The following SYNE1 variants were observed in gnomAD, a reference collection of about 807,000 sequenced individuals.
The protein encoded by SYNE1 is spectrin repeat containing nuclear envelope protein 1.
A neutral mutation model predicts 1,111.0 loss-of-function variants in SYNE1; 616 were observed. That is an observed-to-expected ratio of 0.55 (90% CI 0.52 to 0.59). SYNE1 has a LOEUF of 0.59. SYNE1 is among the 20% of genes least tolerant of loss of function. The pLI, the probability that SYNE1 is intolerant of heterozygous loss-of-function variation, is 0.00. For synonymous variants in SYNE1, 3,855 were observed against 3,825.8 expected, an observed-to-expected ratio of 1.01 and a Z score of -0.28; for missense variants, 10,006 against 10,417.0, an observed-to-expected ratio of 0.96 and a Z score of 1.72.
chr6:152,530,869 C>T (rs534994270), intron 4 of SYNE1, among the ~76,000 whole-genome samples: 7 of 152,016 alleles, frequency 4.6e-5, no homozygotes, highest in East Asian at 3.9e-4. Flanking sequence ...ATGATCTGCC[C>T]GCCTCAGCCT....
intron 33 of SYNE1, chr6:152,435,075 A>G (rs915979123): frequency 6.6e-6 from 1 of 152,190 alleles, no homozygotes; most frequent in Non-Finnish European, 1.5e-5. Context: ...ATTTCAAGTC[A>G]TAATTTGTTT....
At chr6:152,510,067 T>C (rs2099077238) in intron 8 of SYNE1, 126 bp downstream of exon 8, 11 of 965,120 alleles carry the variant, frequency 1.1e-5, no homozygotes, top group Middle Eastern at 3.1e-4. Context: ...AAGAGTGAAA[T>C]AAGCGCTAAA....
At chr6:152,357,901 C>T (rs183587564) in intron 66 of SYNE1, among the ~76,000 whole-genome samples, 1 of 152,090 alleles carries the variant, frequency 6.6e-6, no homozygotes, top group African/African-American at 2.4e-5. Flanking sequence ...TTTTTTACTT[C>T]TGTAATTCCT....
chr6:152,363,518 TAAATAAATAAATA>T (rs1452941564), intron 63 of SYNE1, among the ~76,000 whole-genome samples: 13 of 148,420 alleles, frequency 8.8e-5, no homozygotes, highest in African/African-American at 2.9e-4. Flanking sequence ...AATAAATAAA[TAAATAAATAAATA>T]AATAAATAAA....
chr6:152,377,969 A>C (rs938204699), intron 56 of SYNE1, among the ~76,000 whole-genome samples: 3 of 152,090 alleles, frequency 2.0e-5, no homozygotes, highest in South Asian at 2.1e-4. Context: ...ACCCAATCCA[A>C]AATAAAGCCT....
At chr6:152,230,405 C>G in intron 115 of SYNE1, 142 bp downstream of exon 115, 1 of 895,676 alleles carries the variant, frequency 1.1e-6, no homozygotes, top group Non-Finnish European at 1.7e-6. Flanking sequence ...TATAAACTCA[C>G]AAAATCAGCA....
chr6:152,419,752 G>A (rs1303575882), intron 39 of SYNE1, 30 bp from the exon 40 acceptor site: 17 of 1,611,236 alleles, frequency 1.1e-5, no homozygotes, highest in Non-Finnish European at 1.0e-5. Flanking sequence ...AAGTTAAAAT[G>A]TCCCATAAGT....
intron 100 of SYNE1, among the ~76,000 whole-genome samples, chr6:152,266,961 C>G (rs2092770447): frequency 6.6e-6 from 1 of 151,918 alleles, no homozygotes; most frequent in South Asian, 2.1e-4. Flanking sequence ...ACGGTCTATT[C>G]TAGTTCTTAT....
At chr6:152,135,054 TGC>T in intron 142 of SYNE1, 48 bp downstream of exon 142, 1 of 1,613,482 alleles carries the variant, frequency 6.2e-7, no homozygotes, top group South Asian at 1.1e-5. Context: ...GTAAATGAAA[TGC>T]AACCCTGCTA....
At chr6:152,176,820 A>T in intron 129 of SYNE1, among the ~76,000 whole-genome samples, 1 of 152,180 alleles carries the variant, frequency 6.6e-6, no homozygotes, top group East Asian at 1.9e-4. Context: ...CTTGAAATAC[A>T]TATTAAAAAA....
chr6:152,634,181 G>T (rs1422629226), intron 2 of SYNE1, among the ~76,000 whole-genome samples: 1 of 152,180 alleles, frequency 6.6e-6, no homozygotes, highest in Non-Finnish European at 1.5e-5. Context: ...GAATTTCTAG[G>T]TATTAGGAAA....
At chr6:152,427,660 A>T in intron 38 of SYNE1, 33 bp downstream of exon 38, 2 of 1,613,244 alleles carry the variant, frequency 1.2e-6, no homozygotes, top group Non-Finnish European at 1.7e-6. Flanking sequence ...AAAGCATTTT[A>T]TTTTTTCCTT....
rs1000229280 is a variant in SYNE1 at position 152,505,302 on chromosome 6, T to C, written c.677A>G (p.Asp226Gly). The C allele has an allele frequency of 1.9e-6, 3 of 1,614,042 alleles. No individual in the cohort carries two copies. Among genetic ancestry groups the C allele is most frequent in the African/African-American group, 1.3e-5 (1 of 74,932 alleles). ...GGATCTGCCTTTCACTGTCTCCAAGTCCACCAATTCCGGTCGAATGGCATG... is the reference window on the plus strand; with the variant it reads ...GGATCTGCCTTTCACTGTCTCCAAGCCCACCAATTCCGGTCGAATGGCATG... ...VIHAIRPELV[D>G]LETVKGRSNR... is the part of the protein sequence containing the mutation. Residue 226 changes from aspartate to glycine, a missense_variant, in exon 9 of 146, where the codon GAC becomes GGC. By Grantham distance (94) the Asp-to-Gly change is moderately conservative. Coordinates refer to ENST00000367255, the MANE Select transcript of SYNE1 (RefSeq NM_182961.4).
At position 152,268,115 on chromosome 6, in the gene SYNE1, G is replaced by T; in HGVS notation, c.18756C>A (p.Ala6252=). 1 of 1,614,068 alleles carries T rather than the reference G, an allele frequency of 6.2e-7. No individual in the cohort carries two copies. Among genetic ancestry groups the T allele is most frequent in the Non-Finnish European group, 8.5e-7 (1 of 1,179,990 alleles). ...AEQKSLLRSV[A]SRGEEILIQH... is the part of the protein sequence containing the mutation. Reference sequence around the variant, plus strand: ...GAATTAGAATCTCCTCTCCACGACTGGCTACTGAGCGAAGGAGACTCTTCT... The same window carrying T: ...GAATTAGAATCTCCTCTCCACGACTTGCTACTGAGCGAAGGAGACTCTTCT... The change falls in exon 100 of 146, where the codon GCC becomes GCA. Residue 6252 remains alanine (A), a synonymous_variant. Transcript: ENST00000367255.
intron 63 of SYNE1, chr6:152,363,854 G>C (rs2154074066): frequency 2.3e-6 from 1 of 439,726 alleles, no homozygotes; most frequent in East Asian, 7.4e-5. Context: ...CCTTGGATGG[G>C]ATAACTGGGG....
intron 3 of SYNE1, among the ~76,000 whole-genome samples, chr6:152,563,274 T>TC (rs2099400928): frequency 6.6e-6 from 1 of 152,138 alleles, no homozygotes; most frequent in Non-Finnish European, 1.5e-5. Flanking sequence ...AGCAGCATTC[T>TC]CCTGATATTA....
chr6:152,341,609 G>A (rs1213814503), intron 74 of SYNE1, among the ~76,000 whole-genome samples: 1 of 152,126 alleles, frequency 6.6e-6, no homozygotes, highest in Non-Finnish European at 1.5e-5. Flanking sequence ...TTACTAGACG[G>A]GTGGTGTTGG....
In SYNE1 at chr6:152,301,918, A is replaced by T; in HGVS notation, c.17492T>A (p.Leu5831Gln). 6.2e-7 allele frequency: 1 copy of T among 1,614,116 alleles called. No individual in the cohort carries two copies. The highest frequency in any genetic ancestry group is 8.5e-7 in the Non-Finnish European group (1 of 1,180,018). The change falls in exon 92 of 146, where the codon CTG (leucine) becomes CAG (glutamine). Residue 5831 changes from leucine to glutamine, a missense_variant. Coordinates refer to ENST00000367255, the MANE Select transcript of SYNE1 (RefSeq NM_182961.4). The stretch of plus-strand genomic sequence containing the variant: ...AGGCGTGGGGAGGAGCTCCCCATCC[A>T]GGTCCTCTGTCCCTTCCGCCAGCCC... ...VEGLAEGTED[L>Q]DGELLPTPSA...
intron 91 of SYNE1, 31 bp from the exon 92 acceptor site, chr6:152,302,094 A>C (rs748500341): frequency 6.2e-7 from 1 of 1,613,694 alleles, no homozygotes; most frequent in African/African-American, 1.3e-5. Context: ...CCGGGGTGTC[A>C]GAGCAGCATC....
Sources: gnomAD v4.1 joint callset for allele counts (sites outside exome capture counted in the v4.1 genomes callset) on GRCh38, gnomAD v4.1.1 for gene constraint, MANE v1.5 for transcripts, NCBI Gene and HGNC (gene_info 2026-07-23, HGNC 2026-07-21) for gene names.